Variants in CPNE4 observed in about 807,000 individuals in gnomAD.
The protein encoded by CPNE4 is copine-4.
A neutral mutation model predicts 67.9 loss-of-function variants in CPNE4; 25 were observed. That is an observed-to-expected ratio of 0.37 (90% CI 0.27 to 0.51). The LOEUF is 0.51. CPNE4 is among the 20% of genes least tolerant of loss of function. CPNE4 has a pLI of 0.93. For synonymous variants in CPNE4, 242 were observed against 244.9 expected (o/e 0.99, Z 0.11); for missense variants, 464 against 690.8 (o/e 0.67, Z 3.68).
intron 2 of CPNE4, among the ~76,000 whole-genome samples, chr3:131,757,569 G>A (rs570268181): frequency 1.3e-5 from 2 of 152,314 alleles, no homozygotes; most frequent in African/African-American, 4.8e-5. Flanking sequence ...TTTGCAGCTT[G>A]ACAGTGCAAT....
chr3:131,826,959 C>T lies in CPNE4; in HGVS notation c.180+78305G>A, dbSNP rs2085183996. On this transcript the variant is annotated intron_variant, in intron 2 of 15. Coordinates refer to ENST00000429747, the MANE Select transcript of CPNE4 (RefSeq NM_130808.3). Reference sequence around the variant, plus strand: ...GCCTGAGGTGAGAGGATCACTTGAGCCCAGGAATTTGAGGTTGCAGTGAGC... The same window carrying T: ...GCCTGAGGTGAGAGGATCACTTGAGTCCAGGAATTTGAGGTTGCAGTGAGC... 2.6e-5 allele frequency among the ~76,000 whole-genome samples: 4 copies of T among 152,080 alleles called. No individual in the cohort carries two copies. In the South Asian group the frequency reaches 8.3e-4, roughly 32 times the overall value.
chr3:131,645,401 T>C (rs1162167123), intron 7 of CPNE4, among the ~76,000 whole-genome samples: 2 of 152,198 alleles, frequency 1.3e-5, no homozygotes, highest in Admixed American at 1.3e-4. Flanking sequence ...ATCTTAATTA[T>C]CTATCATAAC....
intron 2 of CPNE4, among the ~76,000 whole-genome samples, chr3:131,827,038 A>G (rs2085188344): frequency 6.6e-6 from 1 of 151,992 alleles, no homozygotes; most frequent in Admixed American, 6.6e-5. Context: ...ACCTGACTCT[A>G]AAAACAAAAC....
intron 2 of CPNE4, among the ~76,000 whole-genome samples, chr3:131,855,105 T>A (rs1021781045): frequency 6.6e-6 from 1 of 151,940 alleles, no homozygotes; most frequent in South Asian, 2.1e-4. Flanking sequence ...GTATTTCACA[T>A]AAGCCTCTTT....
intron 2 of CPNE4, among the ~76,000 whole-genome samples, chr3:131,873,929 C>G (rs2087325311): frequency 6.6e-6 from 1 of 152,196 alleles, no homozygotes; most frequent in South Asian, 2.1e-4. Flanking sequence ...AGATAACCTT[C>G]CCCTCCACCT....
At chr3:131,957,184 C>A (rs1227281106) in intron 1 of CPNE4, among the ~76,000 whole-genome samples, 1 of 152,086 alleles carries the variant, frequency 6.6e-6, no homozygotes, top group African/African-American at 2.4e-5. Flanking sequence ...CACTGGAGAC[C>A]CACTCTTGTC....
chr3:131,712,135 T>G (rs1269770264), intron 3 of CPNE4, among the ~76,000 whole-genome samples: 1 of 152,238 alleles, frequency 6.6e-6, no homozygotes, highest in African/African-American at 2.4e-5. Context: ...TACACAATGT[T>G]TACGTGTCTT....
At chr3:131,735,109 G>C (rs1306177670) in intron 2 of CPNE4, among the ~76,000 whole-genome samples, 3 of 152,082 alleles carry the variant, frequency 2.0e-5, no homozygotes, top group Non-Finnish European at 4.4e-5. Flanking sequence ...ATACATTCAG[G>C]CTTTCATTGT....
At chr3:131,795,711 T>C (rs907671644) in intron 2 of CPNE4, among the ~76,000 whole-genome samples, 2 of 152,178 alleles carry the variant, frequency 1.3e-5, no homozygotes, top group African/African-American at 2.4e-5. Context: ...AACACCACCC[T>C]CGGGTCACGC....
At chr3:131,834,574 T>C (rs1323247283) in intron 2 of CPNE4, among the ~76,000 whole-genome samples, 2 of 151,754 alleles carry the variant, frequency 1.3e-5, no homozygotes, top group South Asian at 4.1e-4. Context: ...AATAACTATT[T>C]GGAGAGAAAA....
At position 131,550,095 on chromosome 3, in the gene CPNE4, G is replaced by T; in HGVS notation, c.1169-15C>A. The T allele has an allele frequency of 1.9e-6, 3 of 1,612,352 alleles. No individual in the cohort carries two copies. Among genetic ancestry groups the T allele is most frequent in the Non-Finnish European group, 2.5e-6 (3 of 1,178,908 alleles). On this transcript the variant is annotated splice_polypyrimidine_tract_variant and intron_variant, in intron 13 of 15. Transcript: ENST00000429747. ...TCCTTGAATTCCTGAGGTGAAATTGGCAAAGATCAACAGCTCCAGAGTCAC... is the reference window on the plus strand; with the variant it reads ...TCCTTGAATTCCTGAGGTGAAATTGTCAAAGATCAACAGCTCCAGAGTCAC...
intron 1 of CPNE4, among the ~76,000 whole-genome samples, chr3:131,977,394 T>C (rs1406450168): frequency 1.3e-5 from 2 of 152,122 alleles, no homozygotes; most frequent in Non-Finnish European, 1.5e-5. Flanking sequence ...CACCTTCTCC[T>C]TTCAGGGTTG....
intron 2 of CPNE4, among the ~76,000 whole-genome samples, chr3:131,902,500 A>T (rs2088591694): frequency 6.6e-6 from 1 of 152,126 alleles, no homozygotes; most frequent in African/African-American, 2.4e-5. Flanking sequence ...AATAGGGTAT[A>T]TCTGGAAGGA....
At chr3:131,697,189 T>G (rs902868398) in intron 4 of CPNE4, among the ~76,000 whole-genome samples, 2 of 152,158 alleles carry the variant, frequency 1.3e-5, no homozygotes. Flanking sequence ...GTGAAGAAAT[T>G]ACTGTCCAAA....
chr3:131,937,937 T>C (rs1365024044), intron 1 of CPNE4, among the ~76,000 whole-genome samples: 1 of 152,138 alleles, frequency 6.6e-6, no homozygotes, highest in Non-Finnish European at 1.5e-5. Flanking sequence ...TGACTACTAA[T>C]TGATCCTTGT....
intron 7 of CPNE4, among the ~76,000 whole-genome samples, chr3:131,640,497 C>A (rs1476327511): frequency 6.6e-6 from 1 of 152,114 alleles, no homozygotes; most frequent in East Asian, 1.9e-4. Flanking sequence ...CTACAAAACA[C>A]TGCTGAAATA....
chr3:131,695,019 A>G (rs1037710854), intron 5 of CPNE4, among the ~76,000 whole-genome samples: 2 of 152,352 alleles, frequency 1.3e-5, no homozygotes, highest in South Asian at 2.1e-4. Flanking sequence ...TGGGTAAATC[A>G]TCATACCTTG....
At chr3:131,918,443 A>G (rs1379956199) in intron 1 of CPNE4, among the ~76,000 whole-genome samples, 1 of 152,224 alleles carries the variant, frequency 6.6e-6, no homozygotes, top group Non-Finnish European at 1.5e-5. Flanking sequence ...TGGAGTTTCC[A>G]GGCTGATGGA....
intron 1 of CPNE4, among the ~76,000 whole-genome samples, chr3:132,013,618 ATAT>A (rs1356440974): frequency 6.6e-6 from 1 of 152,234 alleles, no homozygotes. Flanking sequence ...ATACTTCTTC[ATAT>A]TATTACATCC....
Sources: allele counts gnomAD v4.1 joint callset (sites outside exome capture counted in the v4.1 genomes callset), GRCh38; gene constraint gnomAD v4.1.1; transcripts MANE v1.5; gene names NCBI Gene and HGNC (gene_info 2026-07-23, HGNC 2026-07-21).